FSCN3: variants seen among roughly 807,000 people sequenced by gnomAD.
FSCN3 encodes the protein fascin actin-bundling protein 3.
A neutral mutation model predicts 53.5 loss-of-function variants in FSCN3; 43 were observed. The observed-to-expected ratio is 0.80, with a 90% CI of 0.63 to 1.04. FSCN3 has a LOEUF of 1.04. Ranked by LOEUF, FSCN3 falls within the 50% of genes least tolerant of loss-of-function variation. The probability of loss-of-function intolerance (pLI) is 0.00; values close to 1 mark genes in which losing one functional copy is unlikely to be tolerated. For synonymous variants in FSCN3, 235 were observed against 246.6 expected (o/e 0.95, Z 0.44); for missense variants, 594 against 646.5 (o/e 0.92, Z 0.88).
In FSCN3 at chr7:127,595,468, C is replaced by G. The variant is rs567014421; in HGVS notation, c.306C>G (p.Asn102Lys). ...GCTTTCTACTGCGTTTCCACCGGAA[C>G]AGCAAGTGGACCCTCCAGTGCCTAA... ...HGCFLLRFHRNSKWTLQCLIS... is the reference protein window; with the variant it reads ...HGCFLLRFHRKSKWTLQCLIS... Residue 102 changes from asparagine to lysine, a missense_variant, in exon 2 of 7, where the codon AAC becomes AAG. Physicochemically the swap from Asn to Lys is moderately conservative, Grantham distance 94. Coordinates refer to ENST00000265825, the MANE Select transcript of FSCN3 (RefSeq NM_020369.3). 46 of 1,614,084 alleles carry G rather than the reference C, an allele frequency of 2.8e-5. No homozygotes were observed. The highest frequency in any genetic ancestry group is 3.8e-5 in the Non-Finnish European group (45 of 1,180,036).
chr7:127,594,561 A>G (rs928903120), intron 1 of FSCN3: 4 of 471,120 alleles, frequency 8.5e-6, no homozygotes, highest in African/African-American at 8.0e-5. Context: ...AAAGAGGAGA[A>G]GTGGAGAGCC....
intron 3 of FSCN3, 26 bp from the exon 4 acceptor site, chr7:127,598,409 A>C (rs1562956475): frequency 1.2e-6 from 2 of 1,609,138 alleles, no homozygotes. Flanking sequence ...CTTACTCCTC[A>C]TCTCTGTTTC....
In FSCN3 at chr7:127,597,695, G is replaced by A. The variant is rs185063853; in HGVS notation, c.961-740G>A. ...GGGTTTCACTACATTGGCCAGGCTG[G>A]TCTCGAACTCCTGACCCCATGATCT... is the stretch of plus-strand genomic sequence containing the variant. On this transcript the variant is annotated intron_variant, in intron 3 of 6. Coordinates refer to ENST00000265825, the MANE Select transcript of FSCN3 (RefSeq NM_020369.3). 1.4e-4 allele frequency among the ~76,000 whole-genome samples: 22 copies of A among 152,162 alleles called. No individual in the cohort carries two copies. The East Asian group carries it at 3.3e-3, about 23-fold the overall frequency.
intron 1 of FSCN3, among the ~76,000 whole-genome samples, 163 bp downstream of exon 1, chr7:127,594,160 C>G (rs1371191084): frequency 3.0e-4 from 27 of 89,238 alleles, no homozygotes; most frequent in Admixed American, 2.7e-3. Context: ...AGTGGCCAAG[C>G]TGTGTGTGTG....
chr7:127,600,368 A>G lies in FSCN3; in HGVS notation c.1466A>G (p.Asp489Gly). 6.2e-7 allele frequency: 1 copy of G among 1,612,298 alleles called. No homozygotes were observed. Reference protein sequence around the residue: ...QSGTLLADSEDITRECIWEF With the variant: ...QSGTLLADSEGITRECIWEF The stretch of plus-strand genomic sequence containing the variant: ...GGCACCCTGTTGGCAGACAGTGAAG[A>G]CATTACCAGAGAGTGTATCTGGGAA... The change falls in exon 6 of 7, where the codon GAC (aspartate) becomes GGC (glycine). Residue 489 changes from aspartate to glycine, a missense_variant. By Grantham distance (94) the Asp-to-Gly change is moderately conservative. Coordinates refer to ENST00000265825, the MANE Select transcript of FSCN3 (RefSeq NM_020369.3).
intron 1 of FSCN3, 62 bp downstream of exon 1, chr7:127,594,059 T>TGC (rs1034745291): frequency 5.9e-5 from 88 of 1,493,962 alleles, no homozygotes; most frequent in South Asian, 1.4e-4. Flanking sequence ...TGTGTGTGTG[T>TGC]GCGCGCGCGC....
At chr7:127,594,577 G>A (rs1437147899) in intron 1 of FSCN3, 4 of 471,162 alleles carry the variant, frequency 8.5e-6, no homozygotes, top group African/African-American at 2.0e-5. Context: ...GAGCCCAGGT[G>A]GGAAAGCAGA....
At position 127,600,295 on chromosome 7, in the gene FSCN3, C is replaced by T. The variant is rs1794454260; in HGVS notation, c.1393C>T (p.Leu465Phe). The T allele has an allele frequency of 6.2e-7, 1 of 1,610,242 alleles. No homozygotes were observed. The highest frequency in any genetic ancestry group is 1.1e-5 in the South Asian group (1 of 91,004). ...TATCGAGCTTCAGGGGAGCAACTTA[C>T]TCACTGTACTGGCCCCCAATGGCTT... ...FCIELQGSNL[L>F]TVLAPNGFYM... Residue 465 changes from leucine (L) to phenylalanine (F), a missense_variant, in exon 6 of 7, where the codon CTC (leucine) becomes TTC (phenylalanine). Leu to Phe is a conservative substitution (Grantham distance 22). Transcript: ENST00000265825.
At chr7:127,596,118 AC>A in intron 2 of FSCN3, 115 bp downstream of exon 2, 1 of 1,483,852 alleles carries the variant, frequency 6.7e-7, no homozygotes, top group Non-Finnish European at 8.9e-7. Flanking sequence ...GATCCTGGGG[AC>A]CCAAGGGGAT....
intron 3 of FSCN3, among the ~76,000 whole-genome samples, chr7:127,598,197 C>G (rs892150489): frequency 5.9e-5 from 9 of 152,170 alleles, no homozygotes; most frequent in Non-Finnish European, 1.2e-4. Context: ...ATTTCTCTCC[C>G]TATGATATCC....
At chr7:127,597,363 A>G (rs1332273056) in intron 3 of FSCN3, among the ~76,000 whole-genome samples, 1 of 152,192 alleles carries the variant, frequency 6.6e-6, no homozygotes, top group East Asian at 1.9e-4. Context: ...TAAGAATTCC[A>G]TATCCTCACC....
rs995576751 is a variant in FSCN3 at position 127,598,542 on chromosome 7, C to T, written c.1068C>T (p.Arg356=). 3.1e-6 allele frequency: 5 copies of T among 1,613,796 alleles called. No individual in the cohort carries two copies. The highest frequency in any genetic ancestry group is 1.7e-5 in the Admixed American group (1 of 59,994). ...TCATCCTGCAGTCCTGCAGGGGGCG[C>T]TTCCTGGGCATTGCACCCAACAGCC... ...GRIILQSCRG[R]FLGIAPNSLL... The change falls in exon 4 of 7, where the codon CGC becomes CGT. Residue 356 remains arginine (R), a synonymous_variant. Transcript: ENST00000265825.
chr7:127,599,471 A>G lies in FSCN3; in HGVS notation c.1211A>G (p.His404Arg). The G allele has an allele frequency of 1.9e-6, 3 of 1,614,078 alleles. No individual in the cohort carries two copies. Among genetic ancestry groups the G allele is most frequent in the Non-Finnish European group, 1.7e-6 (2 of 1,179,986 alleles). Residue 404 changes from histidine to arginine, a missense_variant, in exon 5 of 7, where the codon CAT becomes CGT. Transcript: ENST00000265825. ...GGCTATGTGGGCTCCTCATCGGGCC[A>G]TGACCTCATACAGTGCAACCAGGAT... Reference protein sequence around the residue: ...RYGYVGSSSGHDLIQCNQDQP... With the variant: ...RYGYVGSSSGRDLIQCNQDQP...
Position 127,598,527 on chromosome 7 carries a change from G to A in FSCN3, c.1053G>A (p.Gln351=), listed in dbSNP as rs1181292383. 1.9e-6 allele frequency: 3 copies of A among 1,613,780 alleles called. No homozygotes were observed. The highest frequency in any genetic ancestry group is 2.5e-6 in the Non-Finnish European group (3 of 1,179,692). Residue 351 remains glutamine (Q), a synonymous_variant, in exon 4 of 7, where the codon CAG becomes CAA. Transcript: ENST00000265825. The stretch of plus-strand genomic sequence containing the variant: ...GGAACTGTGGCAGGATCATCCTGCA[G>A]TCCTGCAGGGGGCGCTTCCTGGGCA... ...MHWNCGRIIL[Q]SCRGRFLGIA... is the part of the protein sequence containing the mutation.
In FSCN3 at chr7:127,601,637, A is replaced by G. The variant is rs1454255099; in HGVS notation, c.*15A>G. On this transcript the variant is annotated 3_prime_UTR_variant, in exon 7 of 7. Transcript: ENST00000265825. ...TTCCTCTCCAGGTCAATGGGATGTC[A>G]CCTACCAAAATCCAAATCCTCCAGG... The G allele has an allele frequency of 1.3e-5, 2 of 152,172 alleles. No individual in the cohort carries two copies. The highest frequency in any genetic ancestry group is 1.9e-4 in the East Asian group (1 of 5,206). The allele number at this position is 152,172 out of a possible 1,614,324, so 9.4% of individuals were successfully genotyped here. A position where few individuals can be genotyped will look rare whatever the true frequency, so the allele number is the denominator to read the frequency against.
intron 3 of FSCN3, among the ~76,000 whole-genome samples, chr7:127,597,527 G>A (rs1472981282): frequency 6.6e-6 from 1 of 150,478 alleles, no homozygotes; most frequent in Non-Finnish European, 1.5e-5. Flanking sequence ...TGCCTGGGCT[G>A]GAGGGCAGTG....
At position 127,595,518 on chromosome 7, in the gene FSCN3, A is replaced by G. The variant is rs1263421359; in HGVS notation, c.356A>G (p.Asn119Ser). Residue 119 changes from asparagine to serine, a missense_variant, in exon 2 of 7, where the codon AAT (asparagine) becomes AGT (serine). Asn to Ser is a conservative substitution (Grantham distance 46, BLOSUM62 1). Coordinates refer to ENST00000265825, the MANE Select transcript of FSCN3 (RefSeq NM_020369.3). ...ATCTCTGGTCGTTATTTGGAGTCCA[A>G]TGGCAAGGACGTGTTTTGCACTTCC... Reference protein sequence around the residue: ...CLISGRYLESNGKDVFCTSHV... With the variant: ...CLISGRYLESSGKDVFCTSHV... The G allele has an allele frequency of 6.2e-6, 10 of 1,614,004 alleles. No individual in the cohort carries two copies. The highest frequency in any genetic ancestry group is 1.7e-5 in the Admixed American group (1 of 60,008).
At chr7:127,594,235 C>A in intron 1 of FSCN3, among the ~76,000 whole-genome samples, 1 of 120,550 alleles carries the variant, frequency 8.3e-6, no homozygotes, top group Non-Finnish European at 1.7e-5. Context: ...AACCAGTTTT[C>A]TGAGTGGCCA....
intron 3 of FSCN3, 175 bp downstream of exon 3, chr7:127,596,621 A>C: frequency 9.4e-5 from 38 of 404,584 alleles, no homozygotes; most frequent in East Asian, 1.5e-4. Context: ...AAAAACAAAA[A>C]TCAACTTTAT....
Sources: allele counts gnomAD v4.1 joint callset (sites outside exome capture counted in the v4.1 genomes callset), GRCh38; gene constraint gnomAD v4.1.1; transcripts MANE v1.5; gene names NCBI Gene and HGNC (gene_info 2026-07-23, HGNC 2026-07-21).